BIN1: variants seen among roughly 807,000 people sequenced by gnomAD.
BIN1 encodes bridging integrator 1.
A neutral mutation model predicts 82.0 loss-of-function variants in BIN1; 53 were observed. The observed-to-expected ratio is 0.65, with a 90% CI of 0.52 to 0.81. The LOEUF (loss-of-function observed/expected upper bound fraction) is 0.81. BIN1 is among the 40% of genes least tolerant of loss of function. The pLI, the probability that BIN1 is intolerant of heterozygous loss-of-function variation, is 0.00. For synonymous variants in BIN1, 302 were observed against 328.0 expected, an observed-to-expected ratio of 0.92 and a Z score of 0.86; for missense variants, 642 against 784.4, an observed-to-expected ratio of 0.82 and a Z score of 2.17.
intron 12 of BIN1, chr2:127,056,199 C>T (rs1683643326): frequency 6.6e-6 from 1 of 152,298 alleles, no homozygotes; most frequent in Non-Finnish European, 1.5e-5. Flanking sequence ...CATGCCATCC[C>T]GTCTCCCTCG....
intron 1 of BIN1, among the ~76,000 whole-genome samples, chr2:127,094,609 G>C: frequency 6.6e-6 from 1 of 152,226 alleles, no homozygotes; most frequent in South Asian, 2.1e-4. Context: ...GTGGCGCGGA[G>C]CCGACTGCAG....
rs368370162 is a variant in BIN1 at position 127,048,499 on chromosome 2, C to T, written c.*27G>A. 175 of 1,604,722 alleles carry T rather than the reference C, an allele frequency of 1.1e-4. No homozygotes were observed. The highest frequency in any genetic ancestry group is 1.4e-4 in the Non-Finnish European group (164 of 1,171,938). On this transcript the variant is annotated 3_prime_UTR_variant, in exon 19 of 19. Transcript: ENST00000316724. ...TTTTCGGGAGGAGGTGTTCTTCACACGCCCGGAGGCTGCCTGGGCCCCGCC... is the reference window on the plus strand; with the variant it reads ...TTTTCGGGAGGAGGTGTTCTTCACATGCCCGGAGGCTGCCTGGGCCCCGCC...
rs1472773133 is a variant in BIN1 at position 127,052,282 on chromosome 2, G to C, written c.1344C>G (p.Ser448Arg). ...GGGCAGGCCCCGGCTCGGCCGTCTG[G>C]CTGGGCCAGGACACAGCAAAGGTGC... ...AEGTFAVSWP[S>R]QTAEPGPAQP... Residue 448 changes from serine (S) to arginine (R), a missense_variant, in exon 15 of 19, where the codon AGC becomes AGG. By Grantham distance (110) the Ser-to-Arg change is moderately radical. Coordinates refer to ENST00000316724, the MANE Select transcript of BIN1 (RefSeq NM_139343.3). 9 of 1,581,398 alleles carry C rather than the reference G, an allele frequency of 5.7e-6. 1 individual carries two copies. The South Asian group carries it at 8.1e-5, about 14-fold the overall frequency.
At chr2:127,049,898 C>T (rs924787711) in intron 18 of BIN1, among the ~76,000 whole-genome samples, 36 of 152,214 alleles carry the variant, frequency 2.4e-4, no homozygotes, top group African/African-American at 8.2e-4. Context: ...GTGGGTGAGC[C>T]TCAGCCGGGG....
intron 1 of BIN1, among the ~76,000 whole-genome samples, chr2:127,105,281 A>G (rs116315707): frequency 2.3e-4 from 35 of 152,192 alleles, no homozygotes; most frequent in Non-Finnish European, 4.0e-4. Context: ...CTCCCTTCCC[A>G]TTCATCTCCC....
chr2:127,095,864 C>T (rs1000006658), intron 1 of BIN1, among the ~76,000 whole-genome samples: 4 of 152,192 alleles, frequency 2.6e-5, no homozygotes, highest in Non-Finnish European at 4.4e-5. Flanking sequence ...TGGCTCTGCC[C>T]CCCTGAACCT....
In BIN1 at chr2:127,103,280, C is replaced by T. The variant is rs187368338; in HGVS notation, c.84+3580G>A. 2.2e-4 allele frequency among the ~76,000 whole-genome samples: 34 copies of T among 152,298 alleles called. No homozygotes were observed. The East Asian group carries it at 4.3e-3, about 19-fold the overall frequency. ...GCTTGGTGTACAGGCCTGGCTCCTCCGGAGGAGGCTAAGGTGGCTACTGCG... is the reference window on the plus strand; with the variant it reads ...GCTTGGTGTACAGGCCTGGCTCCTCTGGAGGAGGCTAAGGTGGCTACTGCG... On this transcript the variant is annotated intron_variant, in intron 1 of 18. Coordinates refer to ENST00000316724, the MANE Select transcript of BIN1 (RefSeq NM_139343.3).
rs868458832 is a variant in BIN1 at position 127,059,330 on chromosome 2, G to A, written c.858-175C>T. ...AGCAGGAGGGTGGGGGGAGCCAAGG[G>A]ACCTGGGCTTGGGGGGCTGGAAGTG... On this transcript the variant is annotated intron_variant, in intron 10 of 18. Coordinates refer to ENST00000316724, the MANE Select transcript of BIN1 (RefSeq NM_139343.3). This position sits in a 1 kb window ranked among gnomAD's most constrained non-coding sequence, Gnocchi z 6.7. 1.3e-5 allele frequency among the ~76,000 whole-genome samples: 2 copies of A among 151,134 alleles called. No homozygotes were observed. Among genetic ancestry groups the A allele is most frequent in the Non-Finnish European group, 3.0e-5 (2 of 67,704 alleles).
chr2:127,067,298 A>T lies in BIN1; in HGVS notation c.612+865T>A, dbSNP rs1685268619. On this transcript the variant is annotated intron_variant, in intron 7 of 18. Transcript: ENST00000316724. This position sits in a 1 kb window ranked among gnomAD's most constrained non-coding sequence, Gnocchi z 4.7. ...CCACATCCAGGCTGTGACTACACTG[A>T]CCTGAAATGTGCCTCAGTTTCATTG... Among the ~76,000 whole-genome samples, 1 of 152,166 alleles carries T rather than the reference A, an allele frequency of 6.6e-6. No homozygotes were observed. The highest frequency in any genetic ancestry group is 6.5e-5 in the Admixed American group (1 of 15,282).
rs1687367622 is a variant in BIN1, at chr2:127,082,072, A to T, written c.85-5366T>A. On this transcript the variant is annotated intron_variant, in intron 1 of 18. Coordinates refer to ENST00000316724, the MANE Select transcript of BIN1 (RefSeq NM_139343.3). The surrounding 1 kb of genome is among the most constrained non-coding windows in gnomAD (Gnocchi z 6.1). The stretch of plus-strand genomic sequence containing the variant: ...ACCCGGCCAGGCTTTCTCTGGGCCC[A>T]GTCCCGAGGGAGACACCCCAAGAGG... 6.6e-6 allele frequency among the ~76,000 whole-genome samples: 1 copy of T among 152,132 alleles called. No homozygotes were observed. Among genetic ancestry groups the T allele is most frequent in the African/African-American group, 2.4e-5 (1 of 41,430 alleles).
chr2:127,098,744 T>C (rs374505304), intron 1 of BIN1, among the ~76,000 whole-genome samples: 1 of 152,252 alleles, frequency 6.6e-6, no homozygotes, highest in African/African-American at 2.4e-5. Flanking sequence ...CAAATCACAC[T>C]GAACCCCCAG....
chr2:127,063,299 A>G (rs1186134712), intron 9 of BIN1, among the ~76,000 whole-genome samples: 1 of 152,208 alleles, frequency 6.6e-6, no homozygotes, highest in Non-Finnish European at 1.5e-5. Context: ...ACACATTCAC[A>G]GTTTGAGAGG....
intron 10 of BIN1, 38 bp downstream of exon 10, chr2:127,062,077 C>A (rs1244739307): frequency 1.3e-6 from 2 of 1,567,106 alleles, no homozygotes; most frequent in East Asian, 2.3e-5. Context: ...CCCTGCCGTG[C>A]ACACAGTCAG....
In BIN1 at chr2:127,069,177, C is replaced by T. The variant is rs1014297082; in HGVS notation, c.412-146G>A. On this transcript the variant is annotated intron_variant, in intron 5 of 18. Transcript: ENST00000316724. ...GAGCCCTTGTTGCTGGAACCCTCCT[C>T]GTGGCAGAGAGCTCACCCCCTCCTG... is the stretch of plus-strand genomic sequence containing the variant. 39 of 729,620 alleles carry T rather than the reference C, an allele frequency of 5.3e-5. 1 individual carries two copies. Among genetic ancestry groups the T allele is most frequent in the Middle Eastern group, 3.7e-4 (1 of 2,692 alleles). The allele number at this position is 729,620 out of a possible 1,614,324, so 45.2% of individuals were successfully genotyped here. A position where few individuals can be genotyped will look rare whatever the true frequency, so the allele number is the denominator to read the frequency against.
intron 10 of BIN1, among the ~76,000 whole-genome samples, chr2:127,061,751 A>G (rs1684521671): frequency 6.6e-6 from 1 of 152,134 alleles, no homozygotes; most frequent in Non-Finnish European, 1.5e-5. Context: ...CTGCTCTGAG[A>G]GGACTGCACA....
rs547427904 is a variant in BIN1 at position 127,068,515 on chromosome 2, G to C, written c.520-260C>G. Among the ~76,000 whole-genome samples, 1 of 152,166 alleles carries C rather than the reference G, an allele frequency of 6.6e-6. No individual in the cohort carries two copies. The highest frequency in any genetic ancestry group is 2.1e-4 in the South Asian group (1 of 4,830). On this transcript the variant is annotated intron_variant, in intron 6 of 18. Transcript: ENST00000316724. This position sits in a 1 kb window ranked among gnomAD's most constrained non-coding sequence, Gnocchi z 4.9. ...GCAAGCACGGCCCTGCCCGGAGGACGGGGCCACCCCAGCCCCTCACCAAAG... is the reference window on the plus strand; with the variant it reads ...GCAAGCACGGCCCTGCCCGGAGGACCGGGCCACCCCAGCCCCTCACCAAAG...
At chr2:127,086,091 C>A (rs1573741753) in intron 1 of BIN1, among the ~76,000 whole-genome samples, 1 of 152,184 alleles carries the variant, frequency 6.6e-6, no homozygotes. Context: ...CACCCTTGAA[C>A]CCCCTCCCGT....
At chr2:127,091,084 G>A (rs1401397826) in intron 1 of BIN1, among the ~76,000 whole-genome samples, 2 of 152,150 alleles carry the variant, frequency 1.3e-5, no homozygotes, top group Admixed American at 6.5e-5. Context: ...TGGTGCCTAC[G>A]GGAGGTATGT....
chr2:127,068,345 A>C lies in BIN1; in HGVS notation c.520-90T>G. On this transcript the variant is annotated intron_variant, in intron 6 of 18. Transcript: ENST00000316724. The surrounding 1 kb of genome is among the most constrained non-coding windows in gnomAD (Gnocchi z 4.9). Reference sequence around the variant, plus strand: ...AGACACACAGATTAAATGCAGGTCCACACGCCCCACGCGCGGGGGCCACCC... The same window carrying C: ...AGACACACAGATTAAATGCAGGTCCCCACGCCCCACGCGCGGGGGCCACCC... 1 of 1,087,490 alleles carries C rather than the reference A, an allele frequency of 9.2e-7. No individual in the cohort carries two copies. Among genetic ancestry groups the C allele is most frequent in the Non-Finnish European group, 1.3e-6 (1 of 741,572 alleles). The allele number at this position is 1,087,490 out of a possible 1,614,324, so 67.4% of individuals were successfully genotyped here.
Sources: allele counts gnomAD v4.1 joint callset (sites outside exome capture counted in the v4.1 genomes callset), GRCh38; gene constraint gnomAD v4.1.1; non-coding constraint Gnocchi (gnomAD v3.1); transcripts MANE v1.5; gene names NCBI Gene and HGNC (gene_info 2026-07-23, HGNC 2026-07-21).